The following FBRSL1 variants were observed in gnomAD, a reference collection of about 807,000 sequenced individuals.
The protein encoded by FBRSL1 is fibrosin-1-like protein.
FBRSL1 carries 51 observed loss-of-function variants against 89.6 expected under a neutral mutation model. That is an observed-to-expected ratio of 0.57 (90% CI 0.45 to 0.72). The LOEUF is 0.72. Among genes scored for constraint, FBRSL1 ranks in the 30% least tolerant of loss-of-function variants. FBRSL1 has a pLI of 0.00. For missense variants in FBRSL1, 1,618 were observed against 1,451.8 expected (o/e 1.11, Z -1.86); for synonymous variants, 779 against 681.1 (o/e 1.14, Z -2.24).
intron 1 of FBRSL1, among the ~76,000 whole-genome samples, chr12:132,493,145 T>C (rs2031378164): frequency 6.6e-6 from 1 of 152,244 alleles, no homozygotes; most frequent in South Asian, 2.1e-4. Flanking sequence ...CTGTCCGGCC[T>C]TAGAGTGAGC....
intron 1 of FBRSL1, among the ~76,000 whole-genome samples, chr12:132,493,153 A>AGCGG (rs2031381175): frequency 6.6e-6 from 1 of 152,220 alleles, no homozygotes; most frequent in South Asian, 2.1e-4. Context: ...CCTTAGAGTG[A>AGCGG]GCGGGCGCTG....
chr12:132,533,073 G>A (rs1029268619), intron 4 of FBRSL1, among the ~76,000 whole-genome samples: 10 of 152,180 alleles, frequency 6.6e-5, no homozygotes, highest in Admixed American at 3.9e-4. Flanking sequence ...TGGAGTCAGA[G>A]AGCCACGGTC....
At chr12:132,569,078 GC>G (rs1393978058) in intron 6 of FBRSL1, among the ~76,000 whole-genome samples, 1 of 152,144 alleles carries the variant, frequency 6.6e-6, no homozygotes, top group East Asian at 1.9e-4. Context: ...TGCGAAACTG[GC>G]CCCCTGACCG....
At chr12:132,504,891 G>A (rs574771911) in intron 1 of FBRSL1, among the ~76,000 whole-genome samples, 5 of 152,274 alleles carry the variant, frequency 3.3e-5, no homozygotes, top group African/African-American at 1.2e-4. Context: ...GCACTCTGGG[G>A]GGCTGAGGTG....
Position 132,570,177 on chromosome 12 carries a change from C to T in FBRSL1, c.943C>T (p.Pro315Ser), listed in dbSNP as rs1279429991. ...QPRGLLPTHV[P>S]ASLGAFAGHS... ...CCGCGGCCTGCTCCCGACACACGTG[C>T]CTGCATCCCTGGGCGCCTTCGCGGG... Residue 315 changes from proline (P) to serine (S), a missense_variant, in exon 7 of 19, where the codon CCT (proline) becomes TCT (serine). By Grantham distance (74) the Pro-to-Ser change is moderately conservative. Transcript: ENST00000680143. 3 of 1,505,848 alleles carry T rather than the reference C, an allele frequency of 2.0e-6. No homozygotes were observed. Among genetic ancestry groups the T allele is most frequent in the Admixed American group, 2.1e-5 (1 of 46,744 alleles). The allele number at this position is 1,505,848 out of a possible 1,614,324, so 93.3% of individuals were successfully genotyped here.
chr12:132,559,074 C>T (rs1259284986), intron 5 of FBRSL1, among the ~76,000 whole-genome samples: 1 of 152,280 alleles, frequency 6.6e-6, no homozygotes, highest in Non-Finnish European at 1.5e-5. Context: ...CGGTCAGGCG[C>T]ACATAAGCAG....
chr12:132,567,411 G>T, intron 5 of FBRSL1, 70 bp from the exon 6 acceptor site: 2 of 1,465,362 alleles, frequency 1.4e-6, no homozygotes, highest in Non-Finnish European at 1.9e-6. Flanking sequence ...TTGTGTGTGG[G>T]CATTGGGCGC....
At chr12:132,572,989 C>T (rs1242441028) in intron 11 of FBRSL1, among the ~76,000 whole-genome samples, 1 of 152,152 alleles carries the variant, frequency 6.6e-6, no homozygotes, top group East Asian at 1.9e-4. Context: ...GGGCCATCCA[C>T]ACTGCGAGGA....
At chr12:132,557,420 C>T (rs930781845) in intron 5 of FBRSL1, among the ~76,000 whole-genome samples, 3 of 152,216 alleles carry the variant, frequency 2.0e-5, no homozygotes, top group African/African-American at 7.2e-5. Context: ...CCTTTCTAAA[C>T]AAAACACAGA....
intron 1 of FBRSL1, among the ~76,000 whole-genome samples, chr12:132,492,423 C>G (rs1213498796): frequency 6.6e-6 from 1 of 152,190 alleles, no homozygotes; most frequent in Non-Finnish European, 1.5e-5. Context: ...TTTTCGTCTC[C>G]CACAAGAACT....
chr12:132,538,121 G>A lies in FBRSL1; in HGVS notation c.616-9882G>A, dbSNP rs77215287. On this transcript the variant is annotated intron_variant, in intron 4 of 18. Coordinates refer to ENST00000680143, the MANE Select transcript of FBRSL1 (RefSeq NM_001367871.1). ...GCTGAGGCCCTGTGACCCAGGGGCC[G>A]GTCCCTGGGGCCAGGCCTGGGAGGG... Among the ~76,000 whole-genome samples, 252 of 152,294 alleles carry A rather than the reference G, an allele frequency of 1.7e-3. 6 individuals are homozygous for A. The East Asian group carries it at 0.039, about 24-fold the overall frequency.
intron 5 of FBRSL1, chr12:132,560,142 G>A (rs2038990425): frequency 6.6e-6 from 1 of 151,830 alleles, no homozygotes; most frequent in Non-Finnish European, 1.5e-5. Context: ...GACGGGCCAG[G>A]GCCACCCGGG....
intron 10 of FBRSL1, 52 bp downstream of exon 10, chr12:132,572,396 C>A: frequency 1.9e-6 from 3 of 1,540,258 alleles, no homozygotes; most frequent in Non-Finnish European, 2.6e-6. Context: ...CAGGTCCTGG[C>A]CACGGGGCGG....
At chr12:132,543,629 A>G (rs1593421277) in intron 4 of FBRSL1, among the ~76,000 whole-genome samples, 1 of 146,478 alleles carries the variant, frequency 6.8e-6, no homozygotes, top group Admixed American at 6.7e-5. Flanking sequence ...GTGCCCCCCT[A>G]CCCAGCTTGT....
intron 2 of FBRSL1, among the ~76,000 whole-genome samples, chr12:132,518,199 T>C (rs2136778440): frequency 6.6e-6 from 1 of 152,264 alleles, no homozygotes; most frequent in Middle Eastern, 3.4e-3. Flanking sequence ...ATCCCTCATA[T>C]CATCTGTAGT....
At chr12:132,508,043 C>T (rs1024708596) in intron 1 of FBRSL1, 110 bp from the exon 2 acceptor site, 1 of 1,121,560 alleles carries the variant, frequency 8.9e-7, no homozygotes, top group South Asian at 1.6e-5. Flanking sequence ...TCTGAGGTGC[C>T]CCTCCCAAGT....
chr12:132,492,082 A>G (rs1421756623), intron 1 of FBRSL1, among the ~76,000 whole-genome samples: 1 of 152,192 alleles, frequency 6.6e-6, no homozygotes, highest in African/African-American at 2.4e-5. Context: ...ATAATGACAC[A>G]GACTGTACGT....
At chr12:132,513,640 G>A in intron 2 of FBRSL1, among the ~76,000 whole-genome samples, 1 of 152,226 alleles carries the variant, frequency 6.6e-6, no homozygotes, top group Non-Finnish European at 1.5e-5. Context: ...TGGGGAGGGC[G>A]TGAGCCTTCT....
Position 132,514,079 on chromosome 12 carries a change from G to C in FBRSL1, c.489+5729G>C, listed in dbSNP as rs3812827. 0.012 allele frequency among the ~76,000 whole-genome samples: 1,791 copies of C among 152,336 alleles called. 45 individuals are homozygous for C. The East Asian group carries it at 0.12, about 10-fold the overall frequency. On this transcript the variant is annotated intron_variant, in intron 2 of 18. Coordinates refer to ENST00000680143, the MANE Select transcript of FBRSL1 (RefSeq NM_001367871.1). ...CTGGGCCTTCCCCGTTTGCTCATTC[G>C]GGATCCTTGTCTGGGCACTGAGGAC...
Sources: gnomAD v4.1 joint callset for allele counts (sites outside exome capture counted in the v4.1 genomes callset) on GRCh38, gnomAD v4.1.1 for gene constraint, MANE v1.5 for transcripts, NCBI Gene and HGNC (gene_info 2026-07-23, HGNC 2026-07-21) for gene names.